The following IL3RA variants were observed in gnomAD, a reference collection of about 807,000 sequenced individuals.
IL3RA encodes the protein interleukin-3 receptor subunit alpha.
IL3RA carries 73 observed loss-of-function variants against 52.3 expected under a neutral mutation model. The ratio of observed to expected loss-of-function variants is 1.40; its 90% CI spans 1.16 to 1.70. The LOEUF (loss-of-function observed/expected upper bound fraction) is 1.70, where lower values mean the gene tolerates loss of function less well. IL3RA is among the 40% of genes most tolerant of loss of function. IL3RA has a pLI of 0.00. For synonymous variants in IL3RA, 260 were observed against 194.0 expected, an observed-to-expected ratio of 1.34 and a Z score of -2.83; for missense variants, 664 against 504.4, an observed-to-expected ratio of 1.32 and a Z score of -3.03.
chrX:1,352,830 A>G (rs1232045561), intron 6 of IL3RA, among the ~76,000 whole-genome samples: 1 of 151,462 alleles, frequency 6.6e-6, no homozygotes, highest in African/African-American at 2.4e-5. Flanking sequence ...ACCATGGGTC[A>G]TGGGACCCCC....
intron 3 of IL3RA, among the ~76,000 whole-genome samples, chrX:1,347,374 G>A (rs1202764080): frequency 6.6e-6 from 1 of 151,332 alleles, no homozygotes; most frequent in Non-Finnish European, 1.5e-5. Context: ...AACCTGGGAG[G>A]CAGAAGCTTG....
Position 1,341,032 on chromosome X carries a change from G to A in IL3RA, c.-38-696G>A, listed in dbSNP as rs372024774. On this transcript the variant is annotated intron_variant, in intron 1 of 11. Transcript: ENST00000331035. ...CTCGGGAGGCTGAGGCAGGACAATC[G>A]GTTGAACCTGGGAGGCGGAGGTTGC... Among the ~76,000 whole-genome samples the A allele has an allele frequency of 1.3e-4, 20 of 151,620 alleles. 1 individual carries two copies. In the South Asian group the frequency reaches 2.9e-3, roughly 22 times the overall value.
chrX:1,345,334 C>A lies in IL3RA; in HGVS notation c.83C>A (p.Thr28Lys). The A allele has an allele frequency of 6.2e-7, 1 of 1,609,860 alleles. No individual in the cohort carries two copies. Residue 28 changes from threonine to lysine, a missense_variant, in exon 3 of 12, where the codon ACG becomes AAG. Physicochemically the swap from Thr to Lys is moderately conservative, Grantham distance 78. Coordinates refer to ENST00000331035, the MANE Select transcript of IL3RA (RefSeq NM_002183.4). The part of the protein sequence containing the change: ...QTKEDPNPPI[T>K]NLRMKAKAQQ... ...GTTTTAGATCCAAACCCACCAATCACGAACCTAAGGATGAAAGCAAAGGCT... is the reference window on the plus strand; with the variant it reads ...GTTTTAGATCCAAACCCACCAATCAAGAACCTAAGGATGAAAGCAAAGGCT...
chrX:1,345,767 G>A (rs1372178577), intron 3 of IL3RA, among the ~76,000 whole-genome samples: 2 of 151,912 alleles, frequency 1.3e-5, no homozygotes, highest in African/African-American at 2.4e-5. Context: ...TGGGATTACA[G>A]GCGCGAGTCA....
intron 9 of IL3RA, among the ~76,000 whole-genome samples, chrX:1,367,593 C>CGGGTGCGCGGGGTGAGCG (rs2088211837): frequency 4.3e-5 from 2 of 46,098 alleles, no homozygotes; most frequent in East Asian, 6.4e-4. Flanking sequence ...CGGGGTGAGC[C>CGGGTGCGCGGGGTGAGCG]GGGTGCGCGG....
chrX:1,368,044 G>A (rs2088301935), intron 9 of IL3RA, among the ~76,000 whole-genome samples: 1 of 152,086 alleles, frequency 6.6e-6, no homozygotes, highest in Non-Finnish European at 1.5e-5. Flanking sequence ...CGGATCACAA[G>A]GTCAGGAGAT....
At chrX:1,357,193 A>T (rs1270282586) in intron 7 of IL3RA, among the ~76,000 whole-genome samples, 2 of 152,100 alleles carry the variant, frequency 1.3e-5, no homozygotes, top group Admixed American at 1.3e-4. Flanking sequence ...ACCTCAGGTG[A>T]TCCACCCGCC....
intron 2 of IL3RA, among the ~76,000 whole-genome samples, chrX:1,344,454 A>C (rs1213361398): frequency 6.6e-6 from 1 of 151,520 alleles, no homozygotes; most frequent in Non-Finnish European, 1.5e-5. Context: ...AGCAAACAAA[A>C]ATACCCATTA....
intron 2 of IL3RA, among the ~76,000 whole-genome samples, chrX:1,344,087 C>G (rs1464359661): frequency 6.6e-6 from 1 of 152,020 alleles, no homozygotes; most frequent in Non-Finnish European, 1.5e-5. Flanking sequence ...AGCCACCACG[C>G]CCGTTTGCTT....
At chrX:1,367,636 G>A (rs1408415553) in intron 9 of IL3RA, among the ~76,000 whole-genome samples, 25 of 106,128 alleles carry the variant, frequency 2.4e-4, no homozygotes, top group African/African-American at 9.5e-4. Flanking sequence ...AGCGGGGTGC[G>A]CCGGGTGAGC....
chrX:1,360,384 C>G (rs1218802461), intron 8 of IL3RA, among the ~76,000 whole-genome samples: 3 of 151,496 alleles, frequency 2.0e-5, no homozygotes, highest in African/African-American at 7.3e-5. Context: ...GCCTCTATCT[C>G]CCACTGTCCA....
At chrX:1,378,377 C>T (rs1268318170) in intron 9 of IL3RA, among the ~76,000 whole-genome samples, 1 of 152,120 alleles carries the variant, frequency 6.6e-6, no homozygotes, top group East Asian at 1.9e-4. Flanking sequence ...TCCCGAGCAC[C>T]AGGCAGACAG....
intron 2 of IL3RA, among the ~76,000 whole-genome samples, chrX:1,345,105 T>C (rs1156483178): frequency 4.0e-5 from 6 of 151,336 alleles, no homozygotes; most frequent in Admixed American, 1.3e-4. Flanking sequence ...GAGGCGGAGC[T>C]TGCAGTGAGC....
chrX:1,379,966 G>T (rs1173371583), intron 10 of IL3RA, among the ~76,000 whole-genome samples: 3 of 152,208 alleles, frequency 2.0e-5, no homozygotes, highest in Non-Finnish European at 4.4e-5. Context: ...CTCCGTGTTG[G>T]TCAGGCTGGT....
chrX:1,340,713 C>T (rs1435826056), intron 1 of IL3RA, among the ~76,000 whole-genome samples: 2 of 152,126 alleles, frequency 1.3e-5, no homozygotes, highest in African/African-American at 2.4e-5. Flanking sequence ...CAGCCGGGCA[C>T]GGTGGCTCAC....
chrX:1,358,454 T>C (rs2086905128), intron 7 of IL3RA, among the ~76,000 whole-genome samples: 2 of 152,004 alleles, frequency 1.3e-5, no homozygotes, highest in Admixed American at 1.3e-4. Flanking sequence ...GGTCAAGAGA[T>C]CAAGACCATC....
Position 1,338,035 on chromosome X carries a change from G to T in IL3RA, c.-39+1109G>T, listed in dbSNP as rs748931653. 3.4e-5 allele frequency among the ~76,000 whole-genome samples: 5 copies of T among 145,208 alleles called. No homozygotes were observed. The South Asian group carries it at 6.6e-4, about 19-fold the overall frequency. ...GAATGGAGAAATATAATGTGGTCCAGACACACAGTGGAATATTATACAGCC... is the reference window on the plus strand; with the variant it reads ...GAATGGAGAAATATAATGTGGTCCATACACACAGTGGAATATTATACAGCC... On this transcript the variant is annotated intron_variant, in intron 1 of 11. Coordinates refer to ENST00000331035, the MANE Select transcript of IL3RA (RefSeq NM_002183.4).
intron 3 of IL3RA, among the ~76,000 whole-genome samples, chrX:1,347,350 A>G (rs2085792188): frequency 6.6e-6 from 1 of 151,200 alleles, no homozygotes; most frequent in South Asian, 2.1e-4. Context: ...AGGCTGAGGC[A>G]GGAGAATGGC....
At chrX:1,343,599 G>A (rs778478027) in intron 2 of IL3RA, among the ~76,000 whole-genome samples, 28 of 148,520 alleles carry the variant, frequency 1.9e-4, no homozygotes, top group African/African-American at 5.2e-4. Context: ...CCCGGGAGGC[G>A]GAGGTTGCCG....
Sources: allele counts gnomAD v4.1 joint callset (sites outside exome capture counted in the v4.1 genomes callset), GRCh38; gene constraint gnomAD v4.1.1; transcripts MANE v1.5; gene names NCBI Gene and HGNC (gene_info 2026-07-23, HGNC 2026-07-21).